Variants in INHBA observed in about 807,000 individuals in gnomAD.
The protein encoded by INHBA is inhibin subunit beta A.
A neutral mutation model predicts 29.0 loss-of-function variants in INHBA; 1 was observed. That is an observed-to-expected ratio of 0.03 (90% CI 0.01 to 0.16). INHBA has a LOEUF of 0.16. Ranked by LOEUF, INHBA falls within the 10% of genes least tolerant of loss-of-function variation. The pLI is 1.00. For missense variants in INHBA, 376 were observed against 545.4 expected (o/e 0.69, Z 3.09); for synonymous variants, 242 against 216.8 (o/e 1.12, Z -1.02).
chr7:41,690,563 A>C (rs1794480010), intron 2 of INHBA, 21 bp from the exon 3 acceptor site: 2 of 1,550,262 alleles, frequency 1.3e-6, no homozygotes, highest in Middle Eastern at 1.7e-4. Context: ...AAGACAGCAT[A>C]AGAGAAAACA....
chr7:41,685,161 T>C lies in INHBA; in HGVS notation c.*4489A>G, dbSNP rs1014166458. ...ATTTAACATAAGGCCAAAGAAGCTA[T>C]CAGGCGTTGCTGAATACTGTCCACT... On this transcript the variant is annotated 3_prime_UTR_variant, in exon 3 of 3. Transcript: ENST00000242208. 3.9e-5 allele frequency: 6 copies of C among 152,156 alleles called. No individual in the cohort carries two copies. The highest frequency in any genetic ancestry group is 7.4e-5 in the Non-Finnish European group (5 of 67,984). 9.4% of individuals were successfully genotyped at this position (152,156 alleles called of 1,614,324 possible). A position where few individuals can be genotyped will look rare whatever the true frequency, so the allele number is the denominator to read the frequency against.
At chr7:41,697,078 T>G (rs527408535) in intron 2 of INHBA, among the ~76,000 whole-genome samples, 1 of 152,256 alleles carries the variant, frequency 6.6e-6, no homozygotes, top group Non-Finnish European at 1.5e-5. Context: ...TGAGTCAAAA[T>G]AAAATAAAAA....
At chr7:41,693,073 T>G (rs1794558215) in intron 2 of INHBA, among the ~76,000 whole-genome samples, 2 of 152,316 alleles carry the variant, frequency 1.3e-5, no homozygotes, top group South Asian at 4.1e-4. Context: ...CTGTTTTCCC[T>G]TCTGCCTCTA....
rs1470294910 is a variant in INHBA, at chr7:41,689,193, T to C, written c.*457A>G. ...CAGACATACCTTATGACCTGGGTAA[T>C]TGGGTAGGAAAGTGCCTGTGATGGG... On this transcript the variant is annotated 3_prime_UTR_variant, in exon 3 of 3. Coordinates refer to ENST00000242208, the MANE Select transcript of INHBA (RefSeq NM_002192.4). 4.3e-6 allele frequency: 1 copy of C among 234,680 alleles called. No individual in the cohort carries two copies. The highest frequency in any genetic ancestry group is 8.4e-6 in the Non-Finnish European group (1 of 119,502). 14.5% of individuals were successfully genotyped at this position (234,680 alleles called of 1,614,324 possible).
chr7:41,699,977 CAG>C lies in INHBA; in HGVS notation c.388+8_388+9del. On this transcript the variant is annotated splice_region_variant and intron_variant, in intron 2 of 2. Coordinates refer to ENST00000242208, the MANE Select transcript of INHBA (RefSeq NM_002192.4). ...ACCCCTCCCCACCCCCTGCCAATGC[CAG>C]CACCAACCTGACTCGGCAAACGTGA... 1.2e-6 allele frequency: 1 copy of C among 823,480 alleles called. No individual in the cohort carries two copies. The highest frequency in any genetic ancestry group is 1.7e-6 in the Non-Finnish European group (1 of 588,500). The allele number at this position is 823,480 out of a possible 1,614,324, so 51.0% of individuals were successfully genotyped here.
At chr7:41,696,567 C>G (rs1225739260) in intron 2 of INHBA, among the ~76,000 whole-genome samples, 6 of 152,128 alleles carry the variant, frequency 3.9e-5, no homozygotes, top group African/African-American at 1.4e-4. Context: ...GTACGCGCAA[C>G]TGCCTTTCCC....
intron 2 of INHBA, among the ~76,000 whole-genome samples, chr7:41,690,945 T>G (rs973687086): frequency 1.3e-5 from 2 of 152,154 alleles, no homozygotes; most frequent in African/African-American, 2.4e-5. Flanking sequence ...CTCTGGCCCT[T>G]TATAGAAAAA....
In INHBA at chr7:41,685,536, T is replaced by C. The variant is rs1414250393; in HGVS notation, c.*4114A>G. On this transcript the variant is annotated 3_prime_UTR_variant, in exon 3 of 3. Coordinates refer to ENST00000242208, the MANE Select transcript of INHBA (RefSeq NM_002192.4). ...AACAAACAACATCAACCACAGAACA[T>C]AAAAAGTTTTAAAATAAAACAGGCT... 1 of 151,882 alleles carries C rather than the reference T, an allele frequency of 6.6e-6. No individual in the cohort carries two copies. Among genetic ancestry groups the C allele is most frequent in the African/African-American group, 2.4e-5 (1 of 41,374 alleles). 9.4% of individuals were successfully genotyped at this position (151,882 alleles called of 1,614,324 possible). A position where few individuals can be genotyped will look rare whatever the true frequency, so the allele number is the denominator to read the frequency against.
At chr7:41,702,379 T>G (rs1310737514) in intron 1 of INHBA, among the ~76,000 whole-genome samples, 1 of 152,224 alleles carries the variant, frequency 6.6e-6, no homozygotes, top group Non-Finnish European at 1.5e-5. Context: ...CTTTGGGGTT[T>G]CAGCTCCAGA....
At position 41,700,345 on chromosome 7, in the gene INHBA, C is replaced by T. The variant is rs1425778519; in HGVS notation, c.30G>A (p.Leu10=). 1 of 1,500,260 alleles carries T rather than the reference C, an allele frequency of 6.7e-7. No homozygotes were observed. The highest frequency in any genetic ancestry group is 1.4e-5 in the South Asian group (1 of 73,168). The allele number at this position is 1,500,260 out of a possible 1,614,324, so 92.9% of individuals were successfully genotyped here. A position where few individuals can be genotyped will look rare whatever the true frequency, so the allele number is the denominator to read the frequency against. The change falls in exon 2 of 3, where the codon CTG becomes CTA. Residue 10 remains leucine, a synonymous_variant. Coordinates refer to ENST00000242208, the MANE Select transcript of INHBA (RefSeq NM_002192.4). ...TCACTATAATCCAGCAACTTGCCAA[C>T]AGAAATCCTCTCAGCCAAAGCAAGG... The part of the protein sequence containing the change: MPLLWLRGF[L]LASCWIIVRS...
At chr7:41,694,458 G>A (rs1042414098) in intron 2 of INHBA, among the ~76,000 whole-genome samples, 16 of 152,112 alleles carry the variant, frequency 1.1e-4, no homozygotes, top group African/African-American at 3.4e-4. Context: ...TCAGTTTCAG[G>A]TTTTACTCAA....
At position 41,688,720 on chromosome 7, in the gene INHBA, A is replaced by C. The variant is rs755369516; in HGVS notation, c.*930T>G. On this transcript the variant is annotated 3_prime_UTR_variant, in exon 3 of 3. Transcript: ENST00000242208. ...TGCAAATAGTAAACGATTAAAAAAA[A>C]AACAACAACAACATTTACAAAATAT... 219 of 164,614 alleles carry C rather than the reference A, an allele frequency of 1.3e-3. No individual in the cohort carries two copies. Among genetic ancestry groups the C allele is most frequent in the Non-Finnish European group, 2.0e-3 (152 of 75,816 alleles). 10.2% of individuals were successfully genotyped at this position (164,614 alleles called of 1,614,324 possible). A position where few individuals can be genotyped will look rare whatever the true frequency, so the allele number is the denominator to read the frequency against.
At chr7:41,701,656 G>A (rs567028141) in intron 1 of INHBA, among the ~76,000 whole-genome samples, 1 of 152,200 alleles carries the variant, frequency 6.6e-6, no homozygotes, top group South Asian at 2.1e-4. Flanking sequence ...CCACTCGCCG[G>A]ACTTCACAGA....
At chr7:41,695,256 C>G (rs906301903) in intron 2 of INHBA, among the ~76,000 whole-genome samples, 2 of 152,188 alleles carry the variant, frequency 1.3e-5, no homozygotes, top group African/African-American at 4.8e-5. Context: ...TGGAAAGCCT[C>G]GTTGTTTATA....
chr7:41,697,834 T>TGGTTTTCTGCTTGAAGAGTAGACA (rs1562569509), intron 2 of INHBA, among the ~76,000 whole-genome samples: 1 of 152,190 alleles, frequency 6.6e-6, no homozygotes, highest in African/African-American at 2.4e-5. Flanking sequence ...AATGCTCACG[T>TGGTTTTCTGCTTGAAGAGTAGACA]GGTTTTCTGC....
chr7:41,688,998 T>G lies in INHBA; in HGVS notation c.*652A>C. 4.3e-6 allele frequency: 1 copy of G among 232,968 alleles called. No individual in the cohort carries two copies. Among genetic ancestry groups the G allele is most frequent in the Non-Finnish European group, 8.5e-6 (1 of 117,854 alleles). The allele number at this position is 232,968 out of a possible 1,614,324, so 14.4% of individuals were successfully genotyped here. On this transcript the variant is annotated 3_prime_UTR_variant, in exon 3 of 3. Transcript: ENST00000242208. ...CTTGTTCTCAATTTTTTAATGTTGTTTGTTTTGTTTTGTTGCAAAAGTGGT... is the reference window on the plus strand; with the variant it reads ...CTTGTTCTCAATTTTTTAATGTTGTGTGTTTTGTTTTGTTGCAAAAGTGGT...
Position 41,689,647 on chromosome 7 carries a change from ACT to A in INHBA, c.*1_*2del. On this transcript the variant is annotated 3_prime_UTR_variant, in exon 3 of 3. Transcript: ENST00000242208. Reference sequence around the variant, plus strand: ...GCTCCCTTTCCCCCTGGGCTGGGCAACTCTATGAGCACCCACACTCCTCCACG... The same window carrying A: ...GCTCCCTTTCCCCCTGGGCTGGGCAACTATGAGCACCCACACTCCTCCACG... The A allele has an allele frequency of 3.2e-6, 5 of 1,552,640 alleles. No homozygotes were observed. Among genetic ancestry groups the A allele is most frequent in the Non-Finnish European group, 4.3e-6 (5 of 1,150,174 alleles).
At chr7:41,694,194 G>A (rs1273413527) in intron 2 of INHBA, 2 of 152,170 alleles carry the variant, frequency 1.3e-5, no homozygotes, top group Non-Finnish European at 2.9e-5. Context: ...GAGACTGCTG[G>A]AAACTGACGT....
Position 41,700,486 on chromosome 7 carries a change from T to C in INHBA, c.-112A>G, listed in dbSNP as rs984470154. On this transcript the variant is annotated 5_prime_UTR_variant, in exon 2 of 3. Transcript: ENST00000242208. ...ATTTTTTTATTTTTTTTTTTGGTGT[T>C]TTTTTTTTCCTTCTCCTCTTCAGCA... is the stretch of plus-strand genomic sequence containing the variant. 2 of 1,115,250 alleles carry C rather than the reference T, an allele frequency of 1.8e-6. No individual in the cohort carries two copies. The highest frequency in any genetic ancestry group is 3.2e-5 in the African/African-American group (2 of 63,050). 69.1% of individuals were successfully genotyped at this position (1,115,250 alleles called of 1,614,324 possible).
Sources: allele counts gnomAD v4.1 joint callset (sites outside exome capture counted in the v4.1 genomes callset), GRCh38; gene constraint gnomAD v4.1.1; transcripts MANE v1.5; gene names NCBI Gene and HGNC (gene_info 2026-07-23, HGNC 2026-07-21).